HMGCLL1: variants seen among roughly 807,000 people sequenced by gnomAD.
HMGCLL1 encodes the protein 3-hydroxy-3-methylglutaryl-CoA lyase like 1.
Under a neutral mutation model 39.1 loss-of-function variants are expected in HMGCLL1, and 36 were observed. That is an observed-to-expected ratio of 0.92 (90% confidence interval 0.71 to 1.22). The LOEUF (loss-of-function observed/expected upper bound fraction) is 1.22, where lower values mean the gene tolerates loss of function less well. HMGCLL1 is among the 50% of genes most tolerant of loss of function. The probability of loss-of-function intolerance (pLI) is 0.00; values close to 1 mark genes in which losing one functional copy is unlikely to be tolerated. For missense variants in HMGCLL1, 451 were observed against 416.5 expected, an observed-to-expected ratio of 1.08 and a Z score of -0.72; for synonymous variants, 149 against 144.0, an observed-to-expected ratio of 1.03 and a Z score of -0.25.
At chr6:55,579,757 TAA>T (rs1177240360), upstream of HMGCLL1, among the ~76,000 whole-genome samples, 2 of 152,174 alleles carry the variant, frequency 1.3e-5, no homozygotes, top group African/African-American at 4.8e-5. Flanking sequence ...ACTGCGTGTT[TAA>T]AAGTCTCATG....
At chr6:55,617,770 T>C in the HMGCLL1 span, among the ~76,000 whole-genome samples, 1 of 152,078 alleles carries the variant, frequency 6.6e-6, no homozygotes, top group Non-Finnish European at 1.5e-5. Context: ...ATTCCCCTTC[T>C]AGAGAGCTCC....
chr6:55,521,000 A>G (rs1561934057), intron 3 of HMGCLL1, among the ~76,000 whole-genome samples: 2 of 152,142 alleles, frequency 1.3e-5, no homozygotes, highest in African/African-American at 2.4e-5. Flanking sequence ...TATGCAAAGC[A>G]TCATGAAGAT....
intron 7 of HMGCLL1, among the ~76,000 whole-genome samples, chr6:55,466,138 C>G (rs1055648868): frequency 6.6e-6 from 1 of 152,050 alleles, no homozygotes; most frequent in Non-Finnish European, 1.5e-5. Context: ...ACCCTACAAG[C>G]CTCTATGGGA....
At chr6:55,510,629 T>G (rs1581877145) in intron 5 of HMGCLL1, among the ~76,000 whole-genome samples, 1 of 100,516 alleles carries the variant, frequency 9.9e-6, no homozygotes. Context: ...CATCACACTC[T>G]GGGGACTGTT....
intron 5 of HMGCLL1, among the ~76,000 whole-genome samples, chr6:55,502,953 T>G (rs1766969167): frequency 1.4e-5 from 2 of 142,754 alleles, no homozygotes; most frequent in South Asian, 4.6e-4. Context: ...TTTTTCAGAT[T>G]GTTCTGTTAC....
At chr6:55,614,011 A>T in the HMGCLL1 span, among the ~76,000 whole-genome samples, 1 of 152,180 alleles carries the variant, frequency 6.6e-6, no homozygotes. Flanking sequence ...TCTGAACAAT[A>T]GCAAGTATTG....
At chr6:55,526,149 A>G (rs1192417061) in intron 3 of HMGCLL1, among the ~76,000 whole-genome samples, 1 of 151,764 alleles carries the variant, frequency 6.6e-6, no homozygotes, top group East Asian at 1.9e-4. Flanking sequence ...CCAGACCCCT[A>G]TTTTTTCTTA....
chr6:55,570,351 A>G (rs570884963), intron 1 of HMGCLL1, among the ~76,000 whole-genome samples: 6 of 152,294 alleles, frequency 3.9e-5, no homozygotes, highest in Admixed American at 1.3e-4. Flanking sequence ...CTTGAGAAGA[A>G]GGCACCTCTC....
At chr6:55,564,484 T>A (rs1771116587) in intron 1 of HMGCLL1, among the ~76,000 whole-genome samples, 1 of 152,028 alleles carries the variant, frequency 6.6e-6, no homozygotes, top group Admixed American at 6.6e-5. Context: ...TTGGTGTTCT[T>A]ATTACATTTA....
chr6:55,553,135 C>T (rs1382733267), intron 1 of HMGCLL1, among the ~76,000 whole-genome samples: 2 of 142,354 alleles, frequency 1.4e-5, no homozygotes, highest in Non-Finnish European at 3.0e-5. Context: ...AAGAGCAAAA[C>T]TCCATCTCTC....
At chr6:55,613,055 A>G in the HMGCLL1 span, among the ~76,000 whole-genome samples, 1 of 152,202 alleles carries the variant, frequency 6.6e-6, no homozygotes, top group Non-Finnish European at 1.5e-5. Flanking sequence ...TACCCATCTA[A>G]CAAAGGTATA....
At chr6:55,629,644 A>T in the HMGCLL1 span, among the ~76,000 whole-genome samples, 1 of 152,128 alleles carries the variant, frequency 6.6e-6, no homozygotes, top group Non-Finnish European at 1.5e-5. Flanking sequence ...GAGGCCTAGG[A>T]AGAAAAAGTG....
the HMGCLL1 span, among the ~76,000 whole-genome samples, chr6:55,612,479 A>G: frequency 0.94 from 143,455 of 152,246 alleles, 67,734 homozygotes; most frequent in Non-Finnish European, 0.97. Context: ...CCAGAAAAGA[A>G]CCTGTATAGA....
chr6:55,477,288 TATA>T lies in HMGCLL1; in HGVS notation c.795+18128_795+18130del, dbSNP rs1765427742. On this transcript the variant is annotated intron_variant, in intron 7 of 8. Transcript: ENST00000274901. Reference sequence around the variant, plus strand: ...TATATAATATATATTATATATTATATATAAAATAATATATATTATATATATAAT... The same window carrying T: ...TATATAATATATATTATATATTATATAAATAATATATATTATATATATAAT... Among the ~76,000 whole-genome samples, 4 of 16,522 alleles carry T rather than the reference TATA, an allele frequency of 2.4e-4. 1 individual carries two copies. The highest frequency in any genetic ancestry group is 3.3e-4 in the Non-Finnish European group (4 of 12,304). The allele number at this position is 16,522 out of a possible 152,430, so 10.8% of individuals were successfully genotyped here.
chr6:55,619,368 G>C, the HMGCLL1 span, among the ~76,000 whole-genome samples: 997 of 152,110 alleles, frequency 6.6e-3, 18 homozygotes, highest in African/African-American at 0.022. Context: ...ACCATAAACT[G>C]TTTCTGCAGA....
the HMGCLL1 span, among the ~76,000 whole-genome samples, chr6:55,610,152 A>AG: frequency 7.0e-4 from 107 of 152,278 alleles, no homozygotes; most frequent in Non-Finnish European, 1.3e-3. Context: ...ATGCCTCTCC[A>AG]GCTAGGGTAC....
At chr6:55,566,458 G>A (rs975606668) in intron 1 of HMGCLL1, 3 of 259,754 alleles carry the variant, frequency 1.2e-5, no homozygotes, top group Admixed American at 4.3e-5. Context: ...TCAAGGAAGC[G>A]TGACTTGGAA....
chr6:55,477,237 AT>A (rs1462451069), intron 7 of HMGCLL1, among the ~76,000 whole-genome samples: 2 of 12,228 alleles, frequency 1.6e-4, no homozygotes, highest in Non-Finnish European at 2.4e-4. Flanking sequence ...AATATATATT[AT>A]ATTTATATAA....
At chr6:55,626,852 A>G in the HMGCLL1 span, among the ~76,000 whole-genome samples, 10 of 152,120 alleles carry the variant, frequency 6.6e-5, no homozygotes, top group Admixed American at 2.0e-4. Context: ...ATTGACCTGG[A>G]CTATCAAGAT....
Sources: allele counts gnomAD v4.1 joint callset (sites outside exome capture counted in the v4.1 genomes callset), GRCh38; gene constraint gnomAD v4.1.1; transcripts MANE v1.5; gene names NCBI Gene and HGNC (gene_info 2026-07-23, HGNC 2026-07-21).